Variants in TENT4B observed in about 807,000 individuals in gnomAD.
TENT4B encodes terminal nucleotidyltransferase 4B.
TENT4B carries 10 observed loss-of-function variants against 75.0 expected under a neutral mutation model. The ratio of observed to expected loss-of-function variants is 0.13; its 90% CI spans 0.08 to 0.23. TENT4B has a LOEUF of 0.23. TENT4B is among the 10% of genes least tolerant of loss of function. The pLI is 1.00. For synonymous variants in TENT4B, 350 were observed against 357.7 expected (o/e 0.98, Z 0.24); for missense variants, 579 against 893.8 (o/e 0.65, Z 4.49).
In TENT4B at chr16:50,229,367, T is replaced by G; in HGVS notation, c.*39T>G. On this transcript the variant is annotated 3_prime_UTR_variant, in exon 12 of 12. Transcript: ENST00000561678. Reference sequence around the variant, plus strand: ...GTGGACTGTCTTCTCTGTGCAATGATCTCATGCTCAGGACAGTTGCGCAGG... The same window carrying G: ...GTGGACTGTCTTCTCTGTGCAATGAGCTCATGCTCAGGACAGTTGCGCAGG... The G allele has an allele frequency of 6.3e-7, 1 of 1,579,636 alleles. No homozygotes were observed.
chr16:50,209,388 C>A (rs2031159275), intron 1 of TENT4B, among the ~76,000 whole-genome samples: 1 of 152,168 alleles, frequency 6.6e-6, no homozygotes, highest in East Asian at 1.9e-4. Flanking sequence ...CTTCAAGAAG[C>A]AGAAGGGTTT....
At chr16:50,174,075 T>C (rs2038257282) in intron 1 of TENT4B, among the ~76,000 whole-genome samples, 1 of 152,196 alleles carries the variant, frequency 6.6e-6, no homozygotes, top group Admixed American at 6.6e-5. Flanking sequence ...AATCAGATTG[T>C]TCTTTTATTG....
At chr16:50,171,255 G>A (rs571405535) in intron 1 of TENT4B, among the ~76,000 whole-genome samples, 3 of 152,234 alleles carry the variant, frequency 2.0e-5, no homozygotes, top group Admixed American at 1.3e-4. Context: ...ACAAAAAATA[G>A]CCAGGTGTGG....
At chr16:50,191,725 G>C (rs190098883) in intron 1 of TENT4B, among the ~76,000 whole-genome samples, 1 of 152,040 alleles carries the variant, frequency 6.6e-6, no homozygotes, top group Non-Finnish European at 1.5e-5. Flanking sequence ...TTCGAGACCA[G>C]CCTGACCAAC....
At position 50,219,093 on chromosome 16, in the gene TENT4B, G is replaced by GGT. The variant is rs145308558; in HGVS notation, c.1038+1445_1038+1446dup. 5.0e-4 allele frequency among the ~76,000 whole-genome samples: 75 copies of GGT among 151,212 alleles called. No homozygotes were observed. In the East Asian group the frequency reaches 7.0e-3, roughly 14 times the overall value. ...TTATCCATAATCGCACTATATTGGG[G>GGT]GTGTGTGTGTGTGTGTCTGTCTAAT... On this transcript the variant is annotated intron_variant, in intron 5 of 11. Coordinates refer to ENST00000561678, the MANE Select transcript of TENT4B (RefSeq NM_001365324.3).
At chr16:50,217,074 T>C (rs2031596462) in intron 4 of TENT4B, among the ~76,000 whole-genome samples, 1 of 152,188 alleles carries the variant, frequency 6.6e-6, no homozygotes, top group Admixed American at 6.5e-5. Context: ...AAACATTTAA[T>C]ACCTGGCATT....
chr16:50,184,336 G>T (rs2038481924), intron 1 of TENT4B, among the ~76,000 whole-genome samples: 1 of 152,136 alleles, frequency 6.6e-6, no homozygotes, highest in Non-Finnish European at 1.5e-5. Context: ...CTATTCATCA[G>T]TTGATGGACA....
intron 5 of TENT4B, among the ~76,000 whole-genome samples, chr16:50,218,631 C>T (rs531550923): frequency 3.9e-5 from 6 of 152,196 alleles, no homozygotes; most frequent in African/African-American, 9.6e-5. Context: ...GGATTACAGG[C>T]GTGAGCCACC....
At chr16:50,219,433 C>A (rs1314670418) in intron 5 of TENT4B, among the ~76,000 whole-genome samples, 1 of 152,150 alleles carries the variant, frequency 6.6e-6, no homozygotes, top group Non-Finnish European at 1.5e-5. Flanking sequence ...AGGCAGTAGT[C>A]TTTTATAAGG....
rs1265287952 is a variant in TENT4B, at chr16:50,153,367, C to CGGCGGAGGGGCGGAGG, written c.-245_-230dup. Among the ~76,000 whole-genome samples the CGGCGGAGGGGCGGAGG allele has an allele frequency of 1.5e-5, 1 of 67,470 alleles. No homozygotes were observed. Among genetic ancestry groups the CGGCGGAGGGGCGGAGG allele is most frequent in the East Asian group, 4.3e-4 (1 of 2,302 alleles). The allele number at this position is 67,470 out of a possible 152,430, so 44.3% of individuals were successfully genotyped here. ...CACGGGGACCCCAGTGACAGGGGCT[C>CGGCGGAGGGGCGGAGG]GGCGGAGGGGCGGAGGGGCGGAGGG... On this transcript the variant is annotated 5_prime_UTR_variant, in exon 1 of 12. Transcript: ENST00000561678.
chr16:50,214,076 TTGGGG>T, intron 2 of TENT4B, 140 bp from the exon 3 acceptor site: 1 of 633,560 alleles, frequency 1.6e-6, no homozygotes, highest in Non-Finnish European at 2.8e-6. Context: ...TTCATGAAGC[TTGGGG>T]TTAGAAAAAA....
Position 50,229,486 on chromosome 16 carries a change from A to G in TENT4B, c.*158A>G. 1 of 1,244,580 alleles carries G rather than the reference A, an allele frequency of 8.0e-7. No homozygotes were observed. Among genetic ancestry groups the G allele is most frequent in the Non-Finnish European group, 1.0e-6 (1 of 995,034 alleles). The allele number at this position is 1,244,580 out of a possible 1,614,324, so 77.1% of individuals were successfully genotyped here. ...GCTCGCCACAGAATGGATCATGAAG[A>G]CTGACAACTGCAAAAAAAACAAAAC... is the stretch of plus-strand genomic sequence containing the variant. On this transcript the variant is annotated 3_prime_UTR_variant, in exon 12 of 12. Transcript: ENST00000561678.
Position 50,231,646 on chromosome 16 carries a change from C to T in TENT4B, c.*2318C>T, listed in dbSNP as rs1248472116. 1.0e-6 allele frequency: 1 copy of T among 985,652 alleles called. No individual in the cohort carries two copies. Among genetic ancestry groups the T allele is most frequent in the African/African-American group, 1.7e-5 (1 of 57,220 alleles). 61.1% of individuals were successfully genotyped at this position (985,652 alleles called of 1,614,324 possible). On this transcript the variant is annotated 3_prime_UTR_variant, in exon 12 of 12. Coordinates refer to ENST00000561678, the MANE Select transcript of TENT4B (RefSeq NM_001365324.3). Reference sequence around the variant, plus strand: ...TATTGGGAAAATAGTTTTTCCTGTACTGCTGAAGTTTCTTTTTGGTAAACA... The same window carrying T: ...TATTGGGAAAATAGTTTTTCCTGTATTGCTGAAGTTTCTTTTTGGTAAACA...
In TENT4B at chr16:50,210,300, A is replaced by T. The variant is rs538597587; in HGVS notation, c.639-1023A>T. Among the ~76,000 whole-genome samples the T allele has an allele frequency of 1.1e-4, 16 of 152,296 alleles. No homozygotes were observed. In the South Asian group the frequency reaches 2.9e-3, roughly 28 times the overall value. ...CCCCCGTCCTGACTATGTTCAAGTC[A>T]TTGCTCAGCCCAGTGAGTTTGTCCT... On this transcript the variant is annotated intron_variant, in intron 1 of 11. Transcript: ENST00000561678.
intron 7 of TENT4B, 112 bp downstream of exon 7, chr16:50,223,499 A>G: frequency 1.4e-6 from 1 of 712,138 alleles, no homozygotes; most frequent in Non-Finnish European, 2.3e-6. Context: ...TCTAATTGTT[A>G]TTCTTTTTTC....
At chr16:50,180,460 A>G (rs182766175) in intron 1 of TENT4B, among the ~76,000 whole-genome samples, 18 of 152,138 alleles carry the variant, frequency 1.2e-4, no homozygotes, top group African/African-American at 4.3e-4. Context: ...GTAATCTCAC[A>G]CTTTGGGAGG....
At chr16:50,181,870 A>G (rs1169972089) in intron 1 of TENT4B, among the ~76,000 whole-genome samples, 1 of 152,210 alleles carries the variant, frequency 6.6e-6, no homozygotes, top group Admixed American at 6.6e-5. Flanking sequence ...CTTGTGTGCT[A>G]GTCACTGACC....
rs754925816 is a variant in TENT4B, at chr16:50,190,075, CA to C, written c.639-21230del. Among the ~76,000 whole-genome samples, 179 of 41,970 alleles carry C rather than the reference CA, an allele frequency of 4.3e-3. 1 individual carries two copies. The highest frequency in any genetic ancestry group is 0.037 in the Middle Eastern group (2 of 54). 27.5% of individuals were successfully genotyped at this position (41,970 alleles called of 152,430 possible). On this transcript the variant is annotated intron_variant, in intron 1 of 11. Transcript: ENST00000561678. ...TAGGCAACAGAGTGAGACTCTGTTT[CA>C]AAAAAAAAAAAAAAAAACAAAGAAA...
intron 1 of TENT4B, among the ~76,000 whole-genome samples, chr16:50,202,275 A>T (rs2030702450): frequency 6.6e-6 from 1 of 152,206 alleles, no homozygotes; most frequent in East Asian, 1.9e-4. Context: ...ACATAGGGAA[A>T]GATGTTACAA....
Sources: gnomAD v4.1 joint callset for allele counts (sites outside exome capture counted in the v4.1 genomes callset) on GRCh38, gnomAD v4.1.1 for gene constraint, MANE v1.5 for transcripts, NCBI Gene and HGNC (gene_info 2026-07-23, HGNC 2026-07-21) for gene names.